Variants in NAT16 observed in about 807,000 individuals in gnomAD.
NAT16 encodes probable N-acetyltransferase 16.
A neutral mutation model predicts 15.9 loss-of-function variants in NAT16; 16 were observed. The observed-to-expected ratio is 1.01, with a 90% confidence interval of 0.68 to 1.53. NAT16 has a LOEUF of 1.53. Among genes scored for constraint, NAT16 ranks in the 40% most tolerant of loss-of-function variants. NAT16 has a pLI of 0.00. For missense variants in NAT16, 572 were observed against 508.4 expected, an observed-to-expected ratio of 1.13 and a Z score of -1.20; for synonymous variants, 260 against 241.9, an observed-to-expected ratio of 1.07 and a Z score of -0.69.
chr7:101,178,608 C>A (rs1797515285), intron 1 of NAT16, among the ~76,000 whole-genome samples: 1 of 149,594 alleles, frequency 6.7e-6, no homozygotes, highest in African/African-American at 2.4e-5. Flanking sequence ...CGTGGTGGCT[C>A]ATGCCTATAA....
chr7:101,178,710 T>TAAAAAAA (rs386410830), intron 1 of NAT16, among the ~76,000 whole-genome samples: 10 of 72,782 alleles, frequency 1.4e-4, no homozygotes, highest in African/African-American at 2.2e-4. Flanking sequence ...CTCTCTCTAC[T>TAAAAAAA]AAAAAAAAAA....
chr7:101,173,930 A>T (rs1428022118), intron 2 of NAT16: 2 of 214,650 alleles, frequency 9.3e-6, no homozygotes, highest in Non-Finnish European at 1.8e-5. Context: ...GGGGTCTCGC[A>T]TGTTGCCCAG....
chr7:101,173,215 G>T, intron 3 of NAT16, 81 bp downstream of exon 3: 2 of 1,265,194 alleles, frequency 1.6e-6, no homozygotes, highest in East Asian at 2.3e-5. Context: ...GAGCAAGCCC[G>T]TGTTCTGCTG....
At position 101,170,917 on chromosome 7, in the gene NAT16, C is replaced by T. The variant is rs1156905237; in HGVS notation, c.*1162G>A. On this transcript the variant is annotated 3_prime_UTR_variant, in exon 4 of 4. Transcript: ENST00000300303. ...TTTCCCAGCCTTCTGTTTTCTCCCT[C>T]TGCCTTTGATGTGGGGAACCAGTAT... The T allele has an allele frequency of 6.6e-6, 1 of 152,280 alleles. No homozygotes were observed. Among genetic ancestry groups the T allele is most frequent in the African/African-American group, 2.4e-5 (1 of 41,468 alleles). 9.4% of individuals were successfully genotyped at this position (152,280 alleles called of 1,614,324 possible). A position where few individuals can be genotyped will look rare whatever the true frequency, so the allele number is the denominator to read the frequency against.
chr7:101,174,691 C>A lies in NAT16; in HGVS notation c.117G>T (p.Glu39Asp), dbSNP rs138387753. ...CCTCAGGCCCCGATCCCGACCTGGGCTCGGCCTCCACCTCCTGTGGCCGGG... is the reference window on the plus strand; with the variant it reads ...CCTCAGGCCCCGATCCCGACCTGGGATCGGCCTCCACCTCCTGTGGCCGGG... Reference protein sequence around the residue: ...SETRPQEVEAEPRSGSGPEAE... With the variant: ...SETRPQEVEADPRSGSGPEAE... The change falls in exon 2 of 4, where the codon GAG (glutamate) becomes GAT (aspartate). Residue 39 changes from glutamate to aspartate, a missense_variant. By Grantham distance (45) the Glu-to-Asp change is conservative. Transcript: ENST00000300303. 4 of 1,613,686 alleles carry A rather than the reference C, an allele frequency of 2.5e-6. No individual in the cohort carries two copies. Among genetic ancestry groups the A allele is most frequent in the African/African-American group, 2.7e-5 (2 of 74,944 alleles).
At position 101,171,536 on chromosome 7, in the gene NAT16, AG is replaced by A; in HGVS notation, c.*542del. On this transcript the variant is annotated 3_prime_UTR_variant, in exon 4 of 4. Coordinates refer to ENST00000300303, the MANE Select transcript of NAT16 (RefSeq NM_198571.3). The stretch of plus-strand genomic sequence containing the variant: ...GATCTCTGGCACCAGAAGCTTGAGC[AG>A]GGGGAGGGGATTGGGGTGTGGAGGG... The A allele has an allele frequency of 6.5e-6, 1 of 153,322 alleles. No homozygotes were observed. The highest frequency in any genetic ancestry group is 1.5e-5 in the Non-Finnish European group (1 of 68,710). 9.5% of individuals were successfully genotyped at this position (153,322 alleles called of 1,614,324 possible). A position where few individuals can be genotyped will look rare whatever the true frequency, so the allele number is the denominator to read the frequency against.
intron 1 of NAT16, among the ~76,000 whole-genome samples, chr7:101,176,729 T>G (rs1249648040): frequency 1.3e-5 from 2 of 152,048 alleles, no homozygotes; most frequent in Non-Finnish European, 2.9e-5. Context: ...TTTCTGGGCC[T>G]GTCTCTTCCA....
chr7:101,172,073 G>T lies in NAT16; in HGVS notation c.*6C>A. The T allele has an allele frequency of 6.3e-7, 1 of 1,596,672 alleles. No homozygotes were observed. The highest frequency in any genetic ancestry group is 8.6e-7 in the Non-Finnish European group (1 of 1,167,768). Reference sequence around the variant, plus strand: ...CTTTTTCCCCCTCCCCGCCAGAGGAGAGGCCTCAGATGTCGGCCTCCAGCA... The same window carrying T: ...CTTTTTCCCCCTCCCCGCCAGAGGATAGGCCTCAGATGTCGGCCTCCAGCA... On this transcript the variant is annotated 3_prime_UTR_variant, in exon 4 of 4. Coordinates refer to ENST00000300303, the MANE Select transcript of NAT16 (RefSeq NM_198571.3). This position sits in a 1 kb window ranked among gnomAD's most constrained non-coding sequence, Gnocchi z 4.2.
At position 101,171,825 on chromosome 7, in the gene NAT16, C is replaced by G; in HGVS notation, c.*254G>C. 4.1e-6 allele frequency: 2 copies of G among 482,786 alleles called. No individual in the cohort carries two copies. The highest frequency in any genetic ancestry group is 3.7e-5 in the East Asian group (1 of 26,682). The allele number at this position is 482,786 out of a possible 1,614,324, so 29.9% of individuals were successfully genotyped here. On this transcript the variant is annotated 3_prime_UTR_variant, in exon 4 of 4. Coordinates refer to ENST00000300303, the MANE Select transcript of NAT16 (RefSeq NM_198571.3). ...GGGTGGATAACAGCAGCTCAAGGCC[C>G]CCACCCCCAGCCCCCACCTAATAGT...
At chr7:101,176,518 AG>A (rs1195422766) in intron 1 of NAT16, among the ~76,000 whole-genome samples, 69 of 136,668 alleles carry the variant, frequency 5.0e-4, no homozygotes, top group African/African-American at 1.6e-3. Context: ...AAAAAAAAAA[AG>A]AAGAAGAAAA....
At position 101,172,428 on chromosome 7, in the gene NAT16, C is replaced by T. The variant is rs758454710; in HGVS notation, c.761G>A (p.Ser254Asn). Residue 254 changes from serine (S) to asparagine (N), a missense_variant, in exon 4 of 4, where the codon AGC becomes AAC. Ser to Asn is a conservative substitution (Grantham distance 46). Coordinates refer to ENST00000300303, the MANE Select transcript of NAT16 (RefSeq NM_198571.3). The surrounding 1 kb of genome is among the most constrained non-coding windows in gnomAD (Gnocchi z 4.2). The part of the protein sequence containing the change: ...QDWQPYRPSE[S>N]NLRLLAAKGL... ...CTTGGCCGCCAGCAGGCGCAGGTTG[C>T]TTTCGCTAGGCCGGTAGGGCTGCCA... 2.5e-6 allele frequency: 4 copies of T among 1,592,300 alleles called. No individual in the cohort carries two copies. Among genetic ancestry groups the T allele is most frequent in the Non-Finnish European group, 3.4e-6 (4 of 1,172,466 alleles).
At chr7:101,179,480 G>A (rs896457968) in intron 1 of NAT16, among the ~76,000 whole-genome samples, 8 of 150,652 alleles carry the variant, frequency 5.3e-5, no homozygotes. Context: ...CCGTGGAGGG[G>A]AAGGGGTCAA....
rs1241172255 is a variant in NAT16 at position 101,174,059 on chromosome 7, G to T, written c.312+437C>A. On this transcript the variant is annotated intron_variant, in intron 2 of 3. Coordinates refer to ENST00000300303, the MANE Select transcript of NAT16 (RefSeq NM_198571.3). ...CCACCTCTTGAGATGCTCCAGCTCC[G>T]AGTGTGTCAAGTTCCGGACCGCTCA... 8 of 262,326 alleles carry T rather than the reference G, an allele frequency of 3.0e-5. No homozygotes were observed. In the South Asian group the frequency reaches 1.0e-3, roughly 34 times the overall value. 16.2% of individuals were successfully genotyped at this position (262,326 alleles called of 1,614,324 possible).
At position 101,171,787 on chromosome 7, in the gene NAT16, T is replaced by G; in HGVS notation, c.*292A>C. 1 of 363,340 alleles carries G rather than the reference T, an allele frequency of 2.8e-6. No individual in the cohort carries two copies. 22.5% of individuals were successfully genotyped at this position (363,340 alleles called of 1,614,324 possible). On this transcript the variant is annotated 3_prime_UTR_variant, in exon 4 of 4. Transcript: ENST00000300303. ...TGAAGCCTGTGCGGGGACCAGTTCT[T>G]TGGAAAAACAGAGGGTGGATAACAG...
At position 101,173,377 on chromosome 7, in the gene NAT16, C is replaced by T. The variant is rs1477833824; in HGVS notation, c.456G>A (p.Pro152=). Residue 152 remains proline (P), a synonymous_variant, in exon 3 of 4, where the codon CCG becomes CCA. Transcript: ENST00000300303. ...FCSQLVKRQH[P]GVKVARLTRD... ...GGGTGAGCCGTGCCACCTTGACCCCCGGGTGCTGTCTCTTGACCAGCTGCG... is the reference window on the plus strand; with the variant it reads ...GGGTGAGCCGTGCCACCTTGACCCCTGGGTGCTGTCTCTTGACCAGCTGCG... 3.7e-6 allele frequency: 6 copies of T among 1,614,048 alleles called. No individual in the cohort carries two copies. Among genetic ancestry groups the T allele is most frequent in the Non-Finnish European group, 5.1e-6 (6 of 1,180,006 alleles).
rs955468864 is a variant in NAT16 at position 101,172,743 on chromosome 7, A to G, written c.538-92T>C. 16 of 1,052,936 alleles carry G rather than the reference A, an allele frequency of 1.5e-5. No individual in the cohort carries two copies. The highest frequency in any genetic ancestry group is 1.9e-5 in the Non-Finnish European group (15 of 769,456). 65.2% of individuals were successfully genotyped at this position (1,052,936 alleles called of 1,614,324 possible). ...GGCAGGCATCTTCACTCCCACGTTC[A>G]CGCCCACGGGCTCCCACCTGGGTCC... On this transcript the variant is annotated intron_variant, in intron 3 of 3. Transcript: ENST00000300303. This position sits in a 1 kb window ranked among gnomAD's most constrained non-coding sequence, Gnocchi z 4.2.
Position 101,170,802 on chromosome 7 carries a change from T to A in NAT16, c.*1277A>T, listed in dbSNP as rs2116719202. ...GCTAACATCATCCCACAGAGTGAAG[T>A]TCTAGGTCATGCTCTAGGCTTGGGA... On this transcript the variant is annotated 3_prime_UTR_variant, in exon 4 of 4. Transcript: ENST00000300303. 1 of 152,364 alleles carries A rather than the reference T, an allele frequency of 6.6e-6. No homozygotes were observed. The highest frequency in any genetic ancestry group is 2.1e-4 in the South Asian group (1 of 4,830). The allele number at this position is 152,364 out of a possible 1,614,324, so 9.4% of individuals were successfully genotyped here.
rs758532186 is a variant in NAT16, at chr7:101,174,538, G to A, written c.270C>T (p.Asp90=). The change falls in exon 2 of 4, where the codon GAC becomes GAT. Residue 90 remains aspartate (D), a synonymous_variant. Coordinates refer to ENST00000300303, the MANE Select transcript of NAT16 (RefSeq NM_198571.3). ...TGGCCAGCACCACCGTGCGGTCGGGGTCCCGGAGCCAGCTGTGGTAGCGGC... is the reference window on the plus strand; with the variant it reads ...TGGCCAGCACCACCGTGCGGTCGGGATCCCGGAGCCAGCTGTGGTAGCGGC... ...LPSRYHSWLR[D]PDRTVVLAKR... is the part of the protein sequence containing the mutation. 9 of 1,613,884 alleles carry A rather than the reference G, an allele frequency of 5.6e-6. No individual in the cohort carries two copies. The highest frequency in any genetic ancestry group is 1.6e-4 in the Middle Eastern group (1 of 6,062).
At chr7:101,177,431 C>T (rs1049435662) in intron 1 of NAT16, among the ~76,000 whole-genome samples, 8 of 152,106 alleles carry the variant, frequency 5.3e-5, no homozygotes, top group African/African-American at 1.9e-4. Flanking sequence ...CAGCCTCAAC[C>T]TCCTGGGCTC....
Sources: gnomAD v4.1 joint callset for allele counts (sites outside exome capture counted in the v4.1 genomes callset) on GRCh38, gnomAD v4.1.1 for gene constraint, Gnocchi (gnomAD v3.1) non-coding constraint, MANE v1.5 for transcripts, NCBI Gene and HGNC (gene_info 2026-07-23, HGNC 2026-07-21) for gene names.